The following HECTD2 variants were observed in gnomAD, a reference collection of about 807,000 sequenced individuals.
The protein encoded by HECTD2 is HECT domain E3 ubiquitin protein ligase 2.
In HECTD2, 35 loss-of-function variants were observed where a neutral mutation model predicts 103.2. That is an observed-to-expected ratio of 0.34 (90% CI 0.26 to 0.45). The LOEUF is 0.45. Among genes scored for constraint, HECTD2 ranks in the 20% least tolerant of loss-of-function variants. The pLI is 1.00. For missense variants in HECTD2, 596 were observed against 937.4 expected, an observed-to-expected ratio of 0.64 and a Z score of 4.76; for synonymous variants, 281 against 329.9, an observed-to-expected ratio of 0.85 and a Z score of 1.61.
At chr10:91,417,764 A>G (rs1051841127) in intron 1 of HECTD2, among the ~76,000 whole-genome samples, 2 of 151,248 alleles carry the variant, frequency 1.3e-5, no homozygotes, top group Non-Finnish European at 3.0e-5. Context: ...CCAGTCTATC[A>G]TTGTTGGACA....
chr10:91,500,155 A>C (rs1270045636), intron 18 of HECTD2, among the ~76,000 whole-genome samples: 1 of 152,176 alleles, frequency 6.6e-6, no homozygotes, highest in Non-Finnish European at 1.5e-5. Context: ...AGGAGGTGTT[A>C]TGGGATATTG....
intron 7 of HECTD2, 73 bp downstream of exon 7, chr10:91,481,212 T>C (rs540379439): frequency 3.1e-6 from 2 of 637,688 alleles, no homozygotes; most frequent in South Asian, 3.0e-5. Context: ...TGAAATGATA[T>C]TAAATATTAA....
At chr10:91,462,815 AT>A (rs548731337) in intron 5 of HECTD2, 1 of 967,000 alleles carries the variant, frequency 1.0e-6, no homozygotes, top group Non-Finnish European at 1.2e-6. Context: ...CTATAGATCA[AT>A]TTGTGAAAAA....
In HECTD2 at chr10:91,498,878, C is replaced by G; in HGVS notation, c.1762C>G (p.Gln588Glu). ...TAATGGCATCTCCCATCAGGTTTTT[C>G]AAGAAGAATTTGGAATAATCAAGTC... is the stretch of plus-strand genomic sequence containing the variant. The part of the protein sequence containing the change: ...EDFYSTFQVF[Q>E]EEFGIIKSYN... Residue 588 changes from glutamine to glutamate, a missense_variant, in exon 17 of 21, where the codon CAA (glutamine) becomes GAA (glutamate). By Grantham distance (29) the Gln-to-Glu change is conservative. Transcript: ENST00000298068. 1 of 1,584,596 alleles carries G rather than the reference C, an allele frequency of 6.3e-7. No individual in the cohort carries two copies. Among genetic ancestry groups the G allele is most frequent in the South Asian group, 1.1e-5 (1 of 88,660 alleles).
Position 91,410,360 on chromosome 10 carries a change from C to CGCGGCG in HECTD2, c.-76_-71dup. The CGCGGCG allele has an allele frequency of 1.1e-6, 1 of 952,150 alleles. No individual in the cohort carries two copies. The allele number at this position is 952,150 out of a possible 1,614,324, so 59.0% of individuals were successfully genotyped here. Reference sequence around the variant, plus strand: ...CGGCAGCCCAGAGCCCTCTCGCGGCCGCGGCGGCAGCAGCAGCGCCAGCCC... The same window carrying CGCGGCG: ...CGGCAGCCCAGAGCCCTCTCGCGGCCGCGGCGGCGGCGGCAGCAGCAGCGCCAGCCC... On this transcript the variant is annotated 5_prime_UTR_variant, in exon 1 of 21. Transcript: ENST00000298068.
chr10:91,508,734 G>T (rs1847297841), intron 20 of HECTD2, among the ~76,000 whole-genome samples: 1 of 150,480 alleles, frequency 6.6e-6, no homozygotes, highest in African/African-American at 2.5e-5. Context: ...CAGGGATCTA[G>T]AACTAGAAAT....
chr10:91,502,159 T>G lies in HECTD2; in HGVS notation c.2210+825T>G, dbSNP rs906896510. 6.6e-5 allele frequency among the ~76,000 whole-genome samples: 10 copies of G among 152,184 alleles called. No homozygotes were observed. In the East Asian group the frequency reaches 1.9e-3, roughly 29 times the overall value. ...CGTGGGAAATAACTTTATTGCCAGT[T>G]TAAGTTCTAGAATCCAGAGACTGTA... On this transcript the variant is annotated intron_variant, in intron 20 of 20. Coordinates refer to ENST00000298068, the MANE Select transcript of HECTD2 (RefSeq NM_182765.6).
At chr10:91,473,566 TCA>T (rs1041222484) in intron 5 of HECTD2, among the ~76,000 whole-genome samples, 142 of 152,294 alleles carry the variant, frequency 9.3e-4, no homozygotes, top group African/African-American at 3.0e-3. Flanking sequence ...ATGAGTTCAC[TCA>T]CACACAGATT....
intron 20 of HECTD2, among the ~76,000 whole-genome samples, chr10:91,508,704 A>G (rs1349704516): frequency 6.7e-6 from 1 of 148,312 alleles, no homozygotes; most frequent in African/African-American, 2.6e-5. Context: ...ACCATTGTGG[A>G]GGTCAGTGTG....
chr10:91,460,512 A>C lies in HECTD2; in HGVS notation c.354A>C (p.Pro118=). The change falls in exon 3 of 21, where the codon CCA becomes CCC. Residue 118 remains proline, a synonymous_variant. Transcript: ENST00000298068. ...MDASSSEMKA[P]VLPEPILPIQ... is the part of the protein sequence containing the mutation. Reference sequence around the variant, plus strand: ...CATCATCATCCGAAATGAAGGCCCCAGTCCTTCCAGAACCTATTCTTCCTA... The same window carrying C: ...CATCATCATCCGAAATGAAGGCCCCCGTCCTTCCAGAACCTATTCTTCCTA... 6.2e-7 allele frequency: 1 copy of C among 1,612,766 alleles called. No homozygotes were observed.
chr10:91,443,701 A>G (rs187720679), intron 2 of HECTD2, among the ~76,000 whole-genome samples: 80 of 152,206 alleles, frequency 5.3e-4, no homozygotes, highest in African/African-American at 1.9e-3. Flanking sequence ...TTCCCCCAGG[A>G]AGAATTTGTA....
intron 11 of HECTD2, chr10:91,488,942 A>ATAGC (rs1846364491): frequency 6.6e-6 from 1 of 152,210 alleles, no homozygotes; most frequent in African/African-American, 2.4e-5. Flanking sequence ...GATTAGCTGT[A>ATAGC]TAGCTACTCA....
intron 1 of HECTD2, among the ~76,000 whole-genome samples, chr10:91,424,622 A>G (rs975846335): frequency 6.6e-6 from 1 of 152,128 alleles, no homozygotes; most frequent in African/African-American, 2.4e-5. Context: ...TTAATTAAAT[A>G]AGTACTATGA....
chr10:91,503,034 C>T (rs1846967932), intron 20 of HECTD2, among the ~76,000 whole-genome samples: 1 of 152,050 alleles, frequency 6.6e-6, no homozygotes. Context: ...TAAGGTCCAC[C>T]ATTGAATATT....
chr10:91,505,719 C>A (rs528404367), intron 20 of HECTD2, among the ~76,000 whole-genome samples: 1 of 151,872 alleles, frequency 6.6e-6, no homozygotes, highest in East Asian at 1.9e-4. Context: ...ATCAACGAGA[C>A]AGAAAGTCAA....
At chr10:91,428,220 C>T (rs1179378853) in intron 2 of HECTD2, among the ~76,000 whole-genome samples, 26 of 151,606 alleles carry the variant, frequency 1.7e-4, no homozygotes, top group African/African-American at 3.6e-4. Flanking sequence ...GGCTCTGTTC[C>T]GTTCCATTGA....
Position 91,485,311 on chromosome 10 carries a change from C to T in HECTD2, c.1094+8C>T. ...CTTTGGAAACTCTCACAGGTATGAA[C>T]AAAAGTTCCTTTGATTATCCACCTA... On this transcript the variant is annotated splice_region_variant and intron_variant, in intron 10 of 20. Transcript: ENST00000298068. 1.9e-6 allele frequency: 3 copies of T among 1,578,108 alleles called. No individual in the cohort carries two copies. The highest frequency in any genetic ancestry group is 2.6e-6 in the Non-Finnish European group (3 of 1,166,296).
chr10:91,461,480 G>T, intron 4 of HECTD2, 124 bp downstream of exon 4: 1 of 469,874 alleles, frequency 2.1e-6, no homozygotes, highest in Non-Finnish European at 3.8e-6. Context: ...ATTGATTTCA[G>T]AAATTATACA....
chr10:91,484,695 G>A, intron 9 of HECTD2, 40 bp downstream of exon 9: 4 of 1,495,680 alleles, frequency 2.7e-6, no homozygotes, highest in Non-Finnish European at 3.6e-6. Flanking sequence ...CTTTTCTTTT[G>A]TTACATTTTA....
Sources: allele counts gnomAD v4.1 joint callset (sites outside exome capture counted in the v4.1 genomes callset), GRCh38; gene constraint gnomAD v4.1.1; transcripts MANE v1.5; gene names NCBI Gene and HGNC (gene_info 2026-07-23, HGNC 2026-07-21).